GPD2: variants seen among roughly 807,000 people sequenced by gnomAD.
GPD2 encodes glycerol-3-phosphate dehydrogenase 2, also known as glycerol-3-phosphate dehydrogenase, mitochondrial.
A neutral mutation model predicts 82.4 loss-of-function variants in GPD2; 54 were observed. That is an observed-to-expected ratio of 0.66 (90% CI 0.53 to 0.82). GPD2 has a LOEUF of 0.82. Ranked by LOEUF, GPD2 falls within the 40% of genes least tolerant of loss-of-function variation. The pLI is 0.00. For synonymous variants in GPD2, 288 were observed against 306.1 expected, an observed-to-expected ratio of 0.94 and a Z score of 0.62; for missense variants, 748 against 896.2, an observed-to-expected ratio of 0.83 and a Z score of 2.11.
At chr2:156,473,223 A>G (rs1159080929) in intron 1 of GPD2, among the ~76,000 whole-genome samples, 1 of 152,194 alleles carries the variant, frequency 6.6e-6, no homozygotes, top group Non-Finnish European at 1.5e-5. Context: ...CTCTTTATTG[A>G]TTATAGTTGA....
rs1356528114 is a variant in GPD2, at chr2:156,585,300, A to G, written c.*2382A>G. 1.3e-5 allele frequency: 2 copies of G among 152,348 alleles called. No homozygotes were observed. The highest frequency in any genetic ancestry group is 2.9e-5 in the Non-Finnish European group (2 of 67,930). The allele number at this position is 152,348 out of a possible 1,614,324, so 9.4% of individuals were successfully genotyped here. On this transcript the variant is annotated 3_prime_UTR_variant, in exon 17 of 17. Coordinates refer to ENST00000438166, the MANE Select transcript of GPD2 (RefSeq NM_000408.5). ...CAAAAGAAATTTTTTCCCTTTGCATATAAACTTGACATCAGTTGATTCTGT... is the reference window on the plus strand; with the variant it reads ...CAAAAGAAATTTTTTCCCTTTGCATGTAAACTTGACATCAGTTGATTCTGT...
chr2:156,404,558 A>G, the GPD2 span, among the ~76,000 whole-genome samples: 1 of 152,060 alleles, frequency 6.6e-6, no homozygotes, highest in East Asian at 1.9e-4. Flanking sequence ...AGAAAAGTTT[A>G]GGCCAAGTGT....
chr2:156,564,975 A>G (rs965533040), intron 9 of GPD2, among the ~76,000 whole-genome samples: 3 of 152,128 alleles, frequency 2.0e-5, no homozygotes, highest in Non-Finnish European at 1.5e-5. Flanking sequence ...ATCAATATAG[A>G]TAATGTTTTA....
At chr2:156,582,288 C>G (rs939878318) in intron 16 of GPD2, among the ~76,000 whole-genome samples, 2 of 151,138 alleles carry the variant, frequency 1.3e-5, no homozygotes, top group Non-Finnish European at 2.9e-5. Flanking sequence ...ATCTCTGGGT[C>G]CATTTTCAAG....
intron 6 of GPD2, 47 bp downstream of exon 6, chr2:156,513,543 A>T (rs763629650): frequency 2.0e-5 from 28 of 1,415,338 alleles, no homozygotes; most frequent in African/African-American, 2.8e-5. Context: ...CTTTTCTCTC[A>T]CTCATGACCC....
intron 2 of GPD2, among the ~76,000 whole-genome samples, chr2:156,488,531 G>A (rs1684030401): frequency 6.6e-6 from 1 of 151,988 alleles, no homozygotes; most frequent in Non-Finnish European, 1.5e-5. Context: ...ATTGCCTGTG[G>A]TCTTTAAATA....
chr2:156,478,993 C>G (rs974093563), intron 2 of GPD2, among the ~76,000 whole-genome samples: 2 of 152,204 alleles, frequency 1.3e-5, no homozygotes, highest in African/African-American at 4.8e-5. Context: ...TGGCCCCTGG[C>G]TTGTGCCATT....
intron 16 of GPD2, among the ~76,000 whole-genome samples, chr2:156,582,196 A>T (rs369130008): frequency 6.6e-6 from 1 of 152,070 alleles, no homozygotes; most frequent in East Asian, 1.9e-4. Context: ...TGTAATTTCA[A>T]GACTAATTCT....
At chr2:156,497,677 G>A (rs1476579774) in intron 3 of GPD2, among the ~76,000 whole-genome samples, 4 of 151,942 alleles carry the variant, frequency 2.6e-5, no homozygotes, top group Non-Finnish European at 4.4e-5. Context: ...TACCCTAGAT[G>A]ACTGATTTCA....
intron 6 of GPD2, among the ~76,000 whole-genome samples, chr2:156,517,787 A>G (rs1445040909): frequency 6.6e-6 from 1 of 151,944 alleles, no homozygotes; most frequent in Non-Finnish European, 1.5e-5. Context: ...CCCAGAGTGG[A>G]TCTTTGTGGC....
At chr2:156,468,926 T>A (rs1558913495) in intron 1 of GPD2, among the ~76,000 whole-genome samples, 1 of 152,198 alleles carries the variant, frequency 6.6e-6, no homozygotes, top group Non-Finnish European at 1.5e-5. Context: ...TCTTATTCAT[T>A]CTAACTATGT....
intron 2 of GPD2, among the ~76,000 whole-genome samples, chr2:156,483,139 C>A (rs911239460): frequency 6.0e-5 from 9 of 150,886 alleles, no homozygotes; most frequent in Admixed American, 2.0e-4. Flanking sequence ...AAACAAAAAA[C>A]AAAAATAACA....
At chr2:156,577,362 A>G (rs6740886) in intron 13 of GPD2, among the ~76,000 whole-genome samples, 149,682 of 152,200 alleles carry the variant, frequency 0.98, 73,657 homozygotes, top group Middle Eastern at 1. Context: ...ATAGTGGCAT[A>G]TGCCTGTAAT....
rs1188122278 is a variant in GPD2, at chr2:156,583,612, T to C, written c.*694T>C. On this transcript the variant is annotated 3_prime_UTR_variant, in exon 17 of 17. Coordinates refer to ENST00000438166, the MANE Select transcript of GPD2 (RefSeq NM_000408.5). ...TCACAGGTATAAGATAAGGATAGCATTGACATTTGCTGGGAGTTACAGTGA... is the reference window on the plus strand; with the variant it reads ...TCACAGGTATAAGATAAGGATAGCACTGACATTTGCTGGGAGTTACAGTGA... 6.5e-6 allele frequency: 1 copy of C among 153,424 alleles called. No individual in the cohort carries two copies. Among genetic ancestry groups the C allele is most frequent in the Non-Finnish European group, 1.5e-5 (1 of 68,626 alleles). 9.5% of individuals were successfully genotyped at this position (153,424 alleles called of 1,614,324 possible). A position where few individuals can be genotyped will look rare whatever the true frequency, so the allele number is the denominator to read the frequency against.
At chr2:156,435,078 T>C (rs540796012), upstream of GPD2, among the ~76,000 whole-genome samples, 1 of 152,228 alleles carries the variant, frequency 6.6e-6, no homozygotes, top group South Asian at 2.1e-4. Context: ...GATGGTTCCC[T>C]GAAGTTACTG....
chr2:156,446,080 G>A (rs1682358141), intron 1 of GPD2, among the ~76,000 whole-genome samples: 2 of 150,176 alleles, frequency 1.3e-5, no homozygotes, highest in Admixed American at 1.3e-4. Flanking sequence ...AAGGCAGGAA[G>A]CATATCTACT....
intron 2 of GPD2, among the ~76,000 whole-genome samples, chr2:156,481,689 G>A (rs1323567038): frequency 1.3e-5 from 2 of 148,754 alleles, no homozygotes; most frequent in Non-Finnish European, 3.0e-5. Flanking sequence ...TTGCCATGTT[G>A]CTCAGGCTGG....
intron 2 of GPD2, among the ~76,000 whole-genome samples, chr2:156,487,920 T>C (rs1477136983): frequency 4.6e-5 from 7 of 152,256 alleles, no homozygotes; most frequent in Non-Finnish European, 1.0e-4. Context: ...CCTCAATTTT[T>C]AGCTATAAAA....
chr2:156,551,441 A>G (rs1686755549), intron 8 of GPD2, among the ~76,000 whole-genome samples: 1 of 152,162 alleles, frequency 6.6e-6, no homozygotes, highest in Admixed American at 6.5e-5. Context: ...ATAATTACCC[A>G]TAACGTACAT....
Sources: allele counts gnomAD v4.1 joint callset (sites outside exome capture counted in the v4.1 genomes callset), GRCh38; gene constraint gnomAD v4.1.1; transcripts MANE v1.5; gene names NCBI Gene and HGNC (gene_info 2026-07-23, HGNC 2026-07-21).